The following HELT variants were observed in gnomAD, a reference collection of about 807,000 sequenced individuals.
HELT encodes hairy and enhancer of split-related protein HELT.
A neutral mutation model predicts 19.5 loss-of-function variants in HELT; 9 were observed. That is an observed-to-expected ratio of 0.46 (90% CI 0.28 to 0.80). HELT has a LOEUF of 0.80. HELT is among the 30% of genes least tolerant of loss of function. The pLI, the probability that HELT is intolerant of heterozygous loss-of-function variation, is 0.12. For synonymous variants in HELT, 162 were observed against 148.3 expected (o/e 1.09, Z -0.67); for missense variants, 366 against 326.3 (o/e 1.12, Z -0.94).
intron 2 of HELT, 84 bp from the exon 3 acceptor site, chr4:185,019,663 G>T: frequency 6.2e-7 from 1 of 1,609,556 alleles, no homozygotes; most frequent in South Asian, 1.1e-5. Flanking sequence ...CCGCAGCCGC[G>T]TCCGCTCGCT....
chr4:185,020,325 C>A lies in HELT; in HGVS notation c.282C>A (p.Cys94Ter). Residue 94 changes from cysteine to a stop codon, truncating the protein, a stop_gained, in exon 4 of 4, where the codon TGC (cysteine) becomes TGA (stop). Transcript: ENST00000515777. LOFTEE classifies it high-confidence loss of function. ...ANYFHYGYHE[C>*]MKNLVHYLTT... ...ACTTCCACTATGGCTACCACGAGTGCATGAAGAACCTGGTGCATTACCTCA... is the reference window on the plus strand; with the variant it reads ...ACTTCCACTATGGCTACCACGAGTGAATGAAGAACCTGGTGCATTACCTCA... 6.2e-7 allele frequency: 1 copy of A among 1,614,206 alleles called. No homozygotes were observed. Among genetic ancestry groups the A allele is most frequent in the Non-Finnish European group, 8.5e-7 (1 of 1,180,040 alleles).
At position 185,020,863 on chromosome 4, in the gene HELT, C is replaced by G; in HGVS notation, c.*91C>G. ...TACACATAATGTGTAAATATTGTAC[C>G]CCAAAAATCTGGGCTGGGGGAGGCA... On this transcript the variant is annotated 3_prime_UTR_variant, in exon 4 of 4. Transcript: ENST00000515777. 1.4e-6 allele frequency: 2 copies of G among 1,394,756 alleles called. No individual in the cohort carries two copies. Among genetic ancestry groups the G allele is most frequent in the Non-Finnish European group, 1.9e-6 (2 of 1,074,750 alleles). 86.4% of individuals were successfully genotyped at this position (1,394,756 alleles called of 1,614,324 possible). A position where few individuals can be genotyped will look rare whatever the true frequency, so the allele number is the denominator to read the frequency against.
intron 1 of HELT, 146 bp downstream of exon 1, chr4:185,019,101 G>T (rs1236570279): frequency 1.2e-6 from 2 of 1,601,580 alleles, no homozygotes; most frequent in Middle Eastern, 1.8e-4. Flanking sequence ...TGGGAAGGGG[G>T]TGGGGTAGAG....
chr4:185,020,269 C>G lies in HELT; in HGVS notation c.230-4C>G. 2.5e-6 allele frequency: 4 copies of G among 1,611,492 alleles called. No homozygotes were observed. The South Asian group carries it at 4.4e-5, about 18-fold the overall frequency. On this transcript the variant is annotated splice_region_variant and splice_polypyrimidine_tract_variant and intron_variant, in intron 3 of 3. Transcript: ENST00000515777. Reference sequence around the variant, plus strand: ...CCGTCCTACGGGCTTTCTCGTTCCTCCAGCAGAACTTCTAGCGGAGTTTGC... The same window carrying G: ...CCGTCCTACGGGCTTTCTCGTTCCTGCAGCAGAACTTCTAGCGGAGTTTGC...
intron 3 of HELT, 65 bp from the exon 4 acceptor site, chr4:185,020,208 T>C (rs1387072214): frequency 1.3e-6 from 2 of 1,569,458 alleles, no homozygotes; most frequent in Non-Finnish European, 8.6e-7. Flanking sequence ...TGCACCCGCT[T>C]TGGGCTCGCG....
Position 185,020,434 on chromosome 4 carries a change from G to C in HELT, c.391G>C (p.Glu131Gln), listed in dbSNP as rs758470672. Residue 131 changes from glutamate (E) to glutamine (Q), a missense_variant, in exon 4 of 4, where the codon GAG (glutamate) becomes CAG (glutamine). By Grantham distance (29) the Glu-to-Gln change is conservative (BLOSUM62 2). Coordinates refer to ENST00000515777, the MANE Select transcript of HELT (RefSeq NM_001300781.2). Reference sequence around the variant, plus strand: ...GCAGTCCAAGGCCCGCCTGGGCGCGGAGCCCGCCTTTCCGCCGCTGGGTTC... The same window carrying C: ...GCAGTCCAAGGCCCGCCTGGGCGCGCAGCCCGCCTTTCCGCCGCTGGGTTC... ...FLQSKARLGA[E>Q]PAFPPLGSLP... is the part of the protein sequence containing the mutation. 6.2e-7 allele frequency: 1 copy of C among 1,614,110 alleles called. No homozygotes were observed. The highest frequency in any genetic ancestry group is 1.1e-5 in the South Asian group (1 of 91,084).
chr4:185,019,956 C>T (rs764978250), intron 3 of HELT, 113 bp downstream of exon 3: 40 of 1,014,746 alleles, frequency 3.9e-5, no homozygotes, highest in Non-Finnish European at 5.5e-5. Context: ...TAGAGCTCCA[C>T]TCTCCAGGAG....
At chr4:185,019,077 A>T in intron 1 of HELT, 122 bp downstream of exon 1, 1 of 1,611,348 alleles carries the variant, frequency 6.2e-7, no homozygotes, top group Non-Finnish European at 8.5e-7. Context: ...AGTGTGGAGG[A>T]ATCTCGAGTG....
intron 1 of HELT, 144 bp downstream of exon 1, chr4:185,019,099 G>C: frequency 6.2e-7 from 1 of 1,603,720 alleles, no homozygotes; most frequent in Non-Finnish European, 8.5e-7. Flanking sequence ...TTTGGGAAGG[G>C]GGTGGGGTAG....
At chr4:185,019,307 C>T (rs4862491) in intron 1 of HELT, 80 bp from the exon 2 acceptor site, 685,836 of 1,266,424 alleles carry the variant, frequency 0.54, 190,919 homozygotes, top group East Asian at 0.79. Context: ...GGAGAGGCGG[C>T]TTGCACCCAG....
chr4:185,020,308 T>A lies in HELT; in HGVS notation c.265T>A (p.Tyr89Asn). 6.2e-7 allele frequency: 1 copy of A among 1,614,160 alleles called. No homozygotes were observed. Among genetic ancestry groups the A allele is most frequent in the Non-Finnish European group, 8.5e-7 (1 of 1,180,008 alleles). Reference protein sequence around the residue: ...LLAEFANYFHYGYHECMKNLV... With the variant: ...LLAEFANYFHNGYHECMKNLV... ...AGCGGAGTTTGCCAACTACTTCCAC[T>A]ATGGCTACCACGAGTGCATGAAGAA... Residue 89 changes from tyrosine to asparagine, a missense_variant, in exon 4 of 4, where the codon TAT (tyrosine) becomes AAT (asparagine). Physicochemically the swap from Tyr to Asn is moderately radical, Grantham distance 143. Coordinates refer to ENST00000515777, the MANE Select transcript of HELT (RefSeq NM_001300781.2).
At position 185,020,720 on chromosome 4, in the gene HELT, C is replaced by T. The variant is rs1490791243; in HGVS notation, c.677C>T (p.Ala226Val). The T allele has an allele frequency of 1.3e-6, 2 of 1,590,124 alleles. No individual in the cohort carries two copies. Among genetic ancestry groups the T allele is most frequent in the South Asian group, 1.1e-5 (1 of 88,290 alleles). The stretch of plus-strand genomic sequence containing the variant: ...CATTACCTCAACCTGATCGGCCACG[C>T]GCACCCCAACGCCCTTAACCTGCAC... ...DRHYLNLIGH[A>V]HPNALNLHTP... is the part of the protein sequence containing the mutation. Residue 226 changes from alanine to valine, a missense_variant, in exon 4 of 4, where the codon GCG (alanine) becomes GTG (valine). Coordinates refer to ENST00000515777, the MANE Select transcript of HELT (RefSeq NM_001300781.2).
At position 185,020,498 on chromosome 4, in the gene HELT, C is replaced by A. The variant is rs778770972; in HGVS notation, c.455C>A (p.Ala152Glu). Reference protein sequence around the residue: ...EPDFSYQLHPAGPEFAGHSPG... With the variant: ...EPDFSYQLHPEGPEFAGHSPG... ...GATTTCTCCTATCAGCTGCACCCTGCGGGGCCCGAATTCGCTGGTCACAGC... is the reference window on the plus strand; with the variant it reads ...GATTTCTCCTATCAGCTGCACCCTGAGGGGCCCGAATTCGCTGGTCACAGC... The change falls in exon 4 of 4, where the codon GCG becomes GAG. Residue 152 changes from alanine to glutamate, a missense_variant. Physicochemically the swap from Ala to Glu is moderately radical, Grantham distance 107. Coordinates refer to ENST00000515777, the MANE Select transcript of HELT (RefSeq NM_001300781.2). 12 of 1,612,692 alleles carry A rather than the reference C, an allele frequency of 7.4e-6. No homozygotes were observed. Among genetic ancestry groups the A allele is most frequent in the Non-Finnish European group, 6.8e-6 (8 of 1,179,932 alleles).
rs376623238 is a variant in HELT, at chr4:185,020,620, A to C, written c.577A>C (p.Ser193Arg). Residue 193 changes from serine (S) to arginine (R), a missense_variant, in exon 4 of 4, where the codon AGC becomes CGC. Physicochemically the swap from Ser to Arg is moderately radical, Grantham distance 110 (BLOSUM62 -1). Coordinates refer to ENST00000515777, the MANE Select transcript of HELT (RefSeq NM_001300781.2). ...ARSPALPYLP[S>R]APVPLASPAQ... ...CAGCCCCGCGCTGCCCTACCTGCCC[A>C]GCGCGCCAGTGCCGCTCGCTAGCCC... 113 of 1,601,536 alleles carry C rather than the reference A, an allele frequency of 7.1e-5. No individual in the cohort carries two copies. Among genetic ancestry groups the C allele is most frequent in the Non-Finnish European group, 8.7e-5 (103 of 1,178,376 alleles).
Position 185,020,592 on chromosome 4 carries a change from C to A in HELT, c.549C>A (p.Ala183=), listed in dbSNP as rs768383041. 2.5e-6 allele frequency: 4 copies of A among 1,594,476 alleles called. No homozygotes were observed. The highest frequency in any genetic ancestry group is 3.4e-6 in the Non-Finnish European group (4 of 1,175,038). The change falls in exon 4 of 4, where the codon GCC becomes GCA. Residue 183 remains alanine, a synonymous_variant. Coordinates refer to ENST00000515777, the MANE Select transcript of HELT (RefSeq NM_001300781.2). ...CTTTCCCCTGGCCGCCTGGCGCGGCCCGCAGCCCCGCGCTGCCCTACCTGC... is the reference window on the plus strand; with the variant it reads ...CTTTCCCCTGGCCGCCTGGCGCGGCACGCAGCCCCGCGCTGCCCTACCTGC... ...AGPFPWPPGA[A]RSPALPYLPS... is the part of the protein sequence containing the mutation.
At chr4:185,019,340 G>T in intron 1 of HELT, 47 bp from the exon 2 acceptor site, 1 of 1,504,038 alleles carries the variant, frequency 6.6e-7, no homozygotes, top group South Asian at 1.2e-5. Context: ...CGCCTTTGAC[G>T]ACTTCCCGGG....
At position 185,019,795 on chromosome 4, in the gene HELT, T is replaced by A; in HGVS notation, c.181T>A (p.Tyr61Asn). The A allele has an allele frequency of 6.2e-7, 1 of 1,613,830 alleles. No homozygotes were observed. The highest frequency in any genetic ancestry group is 8.5e-7 in the Non-Finnish European group (1 of 1,180,020). The change falls in exon 3 of 4, where the codon TAC (tyrosine) becomes AAC (asparagine). Residue 61 changes from tyrosine to asparagine, a missense_variant. By Grantham distance (143) the Tyr-to-Asn change is moderately radical. Coordinates refer to ENST00000515777, the MANE Select transcript of HELT (RefSeq NM_001300781.2). ...KAEILEMTVQ[Y>N]LRALHSADFP... ...GGAGATCCTCGAGATGACCGTTCAG[T>A]ACCTGAGAGCACTGCACTCCGCTGA...
intron 1 of HELT, 31 bp downstream of exon 1, chr4:185,018,986 GC>G (rs765649270): frequency 1.4e-5 from 23 of 1,613,826 alleles, no homozygotes; most frequent in Non-Finnish European, 1.9e-5. Flanking sequence ...TGGCACTTGC[GC>G]CCTGGTGGTG....
chr4:185,020,404 T>C lies in HELT; in HGVS notation c.361T>C (p.Phe121Leu). 6.2e-7 allele frequency: 1 copy of C among 1,614,208 alleles called. No homozygotes were observed. The highest frequency in any genetic ancestry group is 8.5e-7 in the Non-Finnish European group (1 of 1,180,030). ...CACGAAGTACGCGCGCATCCTCGCCTTCTTGCAGTCCAAGGCCCGCCTGGG... is the reference window on the plus strand; with the variant it reads ...CACGAAGTACGCGCGCATCCTCGCCCTCTTGCAGTCCAAGGCCCGCCTGGG... Reference protein sequence around the residue: ...KDTKYARILAFLQSKARLGAE... With the variant: ...KDTKYARILALLQSKARLGAE... Residue 121 changes from phenylalanine (F) to leucine (L), a missense_variant, in exon 4 of 4, where the codon TTC (phenylalanine) becomes CTC (leucine). Phe to Leu is a conservative substitution (Grantham distance 22). Coordinates refer to ENST00000515777, the MANE Select transcript of HELT (RefSeq NM_001300781.2).
Sources: gnomAD v4.1 joint callset for allele counts on GRCh38, gnomAD v4.1.1 for gene constraint, MANE v1.5 for transcripts, NCBI Gene and HGNC (gene_info 2026-07-23, HGNC 2026-07-21) for gene names.